The following FAT4 variants were observed in gnomAD, a reference collection of about 807,000 sequenced individuals.
The protein encoded by FAT4 is FAT atypical cadherin 4.
In FAT4, 84 loss-of-function variants were observed where a neutral mutation model predicts 303.9. The ratio of observed to expected loss-of-function variants is 0.28; its 90% CI spans 0.23 to 0.33. The LOEUF is 0.33. FAT4 is among the 10% of genes least tolerant of loss of function. FAT4 has a pLI of 1.00. For missense variants in FAT4, 6,005 were observed against 6,146.8 expected, an observed-to-expected ratio of 0.98 and a Z score of 0.77; for synonymous variants, 2,307 against 2,298.8, an observed-to-expected ratio of 1.00 and a Z score of -0.10.
chr4:125,329,123 C>T (rs1245462310), intron 2 of FAT4, among the ~76,000 whole-genome samples: 1 of 152,122 alleles, frequency 6.6e-6, no homozygotes, highest in Non-Finnish European at 1.5e-5. Flanking sequence ...TTCTAAATCC[C>T]AAGGCAGGAA....
chr4:125,467,769 G>T (rs929741480), intron 11 of FAT4, among the ~76,000 whole-genome samples: 3 of 152,132 alleles, frequency 2.0e-5, no homozygotes, highest in African/African-American at 7.2e-5. Flanking sequence ...CAAAACAAAT[G>T]CATTTGCCAT....
intron 2 of FAT4, among the ~76,000 whole-genome samples, chr4:125,373,399 G>A (rs1733198979): frequency 6.6e-6 from 1 of 152,000 alleles, no homozygotes. Context: ...GATATCTAAA[G>A]GAAATGTAGA....
chr4:125,453,990 A>C (rs969650292), intron 10 of FAT4, among the ~76,000 whole-genome samples: 1 of 152,198 alleles, frequency 6.6e-6, no homozygotes, highest in Non-Finnish European at 1.5e-5. Flanking sequence ...TTCAAATGTG[A>C]ATAAATGTTA....
In FAT4 at chr4:125,490,843, A is replaced by G. The variant is rs1291094203; in HGVS notation, c.14027A>G (p.Tyr4676Cys). 1 of 1,614,168 alleles carries G rather than the reference A, an allele frequency of 6.2e-7. No homozygotes were observed. The part of the protein sequence containing the change: ...PMPLGASSLT[Y>C]QPSYGQGLRT... ...CCCTTAGGAGCAAGCAGTTTGACTT[A>G]CCAGCCTTCATATGGTCAAGGTTTG... Residue 4676 changes from tyrosine to cysteine, a missense_variant, in exon 18 of 18, where the codon TAC becomes TGC. By Grantham distance (194) the Tyr-to-Cys change is radical (BLOSUM62 -2). Transcript: ENST00000394329.
At chr4:125,468,259 A>G (rs1489468096) in intron 11 of FAT4, among the ~76,000 whole-genome samples, 1 of 152,174 alleles carries the variant, frequency 6.6e-6, no homozygotes, top group Non-Finnish European at 1.5e-5. Flanking sequence ...GAGAAACAAA[A>G]CATACTTAGA....
chr4:125,452,445 C>G lies in FAT4; in HGVS notation c.11435C>G (p.Pro3812Arg), dbSNP rs530700613. ...GATCATGACTCCTGTGTGCATGGCC[C>G]ATGTCAGAATGGAGGGAGCTGTCTA... The part of the protein sequence containing the change: ...SVDHDSCVHG[P>R]CQNGGSCLRR... The change falls in exon 10 of 18, where the codon CCA becomes CGA. Residue 3812 changes from proline (P) to arginine (R), a missense_variant. Pro to Arg is a moderately radical substitution (Grantham distance 103). Transcript: ENST00000394329. 6.2e-7 allele frequency: 1 copy of G among 1,614,002 alleles called. No individual in the cohort carries two copies. The highest frequency in any genetic ancestry group is 2.2e-5 in the East Asian group (1 of 44,876).
chr4:125,316,535 G>C lies in FAT4; in HGVS notation c.124G>C (p.Gly42Arg), dbSNP rs776704293. Residue 42 changes from glycine to arginine, a missense_variant, in exon 2 of 18, where the codon GGG (glycine) becomes CGG (arginine). Physicochemically the swap from Gly to Arg is moderately radical, Grantham distance 125. Transcript: ENST00000394329. This position sits in a 1 kb window ranked among gnomAD's most constrained non-coding sequence, Gnocchi z 5.7. ...GCTTCCGGGGCAGGCCTGGGTCCACGGGGCCGAGCCGCGCCAGGTGTTCCA... is the reference window on the plus strand; with the variant it reads ...GCTTCCGGGGCAGGCCTGGGTCCACCGGGCCGAGCCGCGCCAGGTGTTCCA... The part of the protein sequence containing the change: ...SLLPGQAWVH[G>R]AEPRQVFQVL... 2 of 1,613,798 alleles carry C rather than the reference G, an allele frequency of 1.2e-6. No homozygotes were observed. The highest frequency in any genetic ancestry group is 3.3e-5 in the Admixed American group (2 of 59,996).
rs575613956 is a variant in FAT4, at chr4:125,344,399, CTGAAG to C, written c.5175+22816_5175+22820del. On this transcript the variant is annotated intron_variant, in intron 2 of 17. Coordinates refer to ENST00000394329, the MANE Select transcript of FAT4 (RefSeq NM_001291303.3). ...TAATTCACTTTTCCTTGTGAGTTTA[CTGAAG>C]TGGAGATTATCCATTACAGCCAGAG... Among the ~76,000 whole-genome samples the C allele has an allele frequency of 2.8e-4, 43 of 152,186 alleles. 1 individual carries two copies. In the South Asian group the frequency reaches 8.3e-3, roughly 29 times the overall value.
At position 125,415,866 on chromosome 4, in the gene FAT4, TC is replaced by T. The variant is rs932443584; in HGVS notation, c.6843+64del. On this transcript the variant is annotated intron_variant, in intron 6 of 17. Coordinates refer to ENST00000394329, the MANE Select transcript of FAT4 (RefSeq NM_001291303.3). The stretch of plus-strand genomic sequence containing the variant: ...ATTATAAGACATCTATTTGAAAACC[TC>T]CCCTCTTCTACAGCGTTTACGCTTC... 9.8e-5 allele frequency: 126 copies of T among 1,287,252 alleles called. 1 individual carries two copies. In the Admixed American group the frequency reaches 2.7e-3, roughly 28 times the overall value. The allele number at this position is 1,287,252 out of a possible 1,614,324, so 79.7% of individuals were successfully genotyped here.
At chr4:125,398,745 G>A (rs201345707) in intron 2 of FAT4, 39 bp from the exon 3 acceptor site, 5 of 1,607,878 alleles carry the variant, frequency 3.1e-6, no homozygotes, top group Admixed American at 3.3e-5. Flanking sequence ...TTGCAGACAC[G>A]TGGGAGTCAT....
intron 17 of FAT4, among the ~76,000 whole-genome samples, chr4:125,488,690 C>A (rs946537276): frequency 6.6e-6 from 1 of 152,156 alleles, no homozygotes; most frequent in Non-Finnish European, 1.5e-5. Context: ...TGGTTTGGGA[C>A]ATTTTGGATT....
At chr4:125,396,926 GTATATATATATA>G (rs66744105) in intron 2 of FAT4, among the ~76,000 whole-genome samples, 36,903 of 143,366 alleles carry the variant, frequency 0.26, 5,110 homozygotes, top group Admixed American at 0.39. Flanking sequence ...ATGTGTGTGT[GTATATATATATA>G]TATATATATA....
chr4:125,384,209 T>C (rs1017447166), intron 2 of FAT4, among the ~76,000 whole-genome samples: 2 of 152,200 alleles, frequency 1.3e-5, no homozygotes, highest in Admixed American at 6.5e-5. Context: ...TTACAAGTCA[T>C]GTGATAGCTA....
In FAT4 at chr4:125,434,340, A is replaced by G. The variant is rs556282890; in HGVS notation, c.7114A>G (p.Thr2372Ala). Residue 2372 changes from threonine to alanine, a missense_variant, in exon 8 of 18, where the codon ACA (threonine) becomes GCA (alanine). Coordinates refer to ENST00000394329, the MANE Select transcript of FAT4 (RefSeq NM_001291303.3). ...PTFASKAYFT[T>A]IPEDAPTGTD... ...ATTTGCCAGTAAAGCGTATTTCACAACAATTCCTGAGGATGCACCAACTGG... is the reference window on the plus strand; with the variant it reads ...ATTTGCCAGTAAAGCGTATTTCACAGCAATTCCTGAGGATGCACCAACTGG... 5.0e-6 allele frequency: 8 copies of G among 1,613,998 alleles called. No homozygotes were observed. In the East Asian group the frequency reaches 8.9e-5, roughly 18 times the overall value.
intron 3 of FAT4, among the ~76,000 whole-genome samples, chr4:125,405,716 A>T (rs544728967): frequency 6.7e-6 from 1 of 150,162 alleles, no homozygotes; most frequent in Non-Finnish European, 1.5e-5. Flanking sequence ...GTTGGCCAGG[A>T]TGGTCTCGAT....
At chr4:125,472,095 G>A in intron 12 of FAT4, among the ~76,000 whole-genome samples, 1 of 141,446 alleles carries the variant, frequency 7.1e-6, no homozygotes, top group Non-Finnish European at 1.5e-5. Flanking sequence ...AAAAAGGGTA[G>A]TTACTGGTAA....
intron 8 of FAT4, among the ~76,000 whole-genome samples, chr4:125,445,909 T>G (rs1725808098): frequency 6.6e-6 from 1 of 152,118 alleles, no homozygotes. Context: ...AAAAATAATT[T>G]TTAGTTTCAT....
intron 2 of FAT4, among the ~76,000 whole-genome samples, chr4:125,338,774 A>C (rs1578536734): frequency 6.6e-6 from 1 of 152,136 alleles, no homozygotes; most frequent in Admixed American, 6.5e-5. Context: ...TTGTCTGCAT[A>C]TTTTAAACTA....
rs535917448 is a variant in FAT4 at position 125,326,725 on chromosome 4, T to C, written c.5175+5139T>C. Among the ~76,000 whole-genome samples the C allele has an allele frequency of 3.9e-5, 6 of 152,292 alleles. No homozygotes were observed. In the South Asian group the frequency reaches 1.0e-3, roughly 26 times the overall value. ...TGCTTTTTAATAACTTTGTTTTCAC[T>C]CTCTGATTTGTTGCTTAAAAAGCAT... On this transcript the variant is annotated intron_variant, in intron 2 of 17. Transcript: ENST00000394329.
Sources: gnomAD v4.1 joint callset for allele counts (sites outside exome capture counted in the v4.1 genomes callset) on GRCh38, gnomAD v4.1.1 for gene constraint, Gnocchi (gnomAD v3.1) non-coding constraint, MANE v1.5 for transcripts, NCBI Gene and HGNC (gene_info 2026-07-23, HGNC 2026-07-21) for gene names.